Variants in OR1M1 observed in about 807,000 individuals in gnomAD.
OR1M1 encodes olfactory receptor 1M1.
For missense variants in OR1M1, 397 were observed against 401.8 expected (o/e 0.99, Z 0.10); for synonymous variants, 157 against 165.5 (o/e 0.95, Z 0.39).
Position 9,095,180 on chromosome 19 carries a change from A to G in OR1M1, c.*994A>G, listed in dbSNP as rs1273750403. On this transcript the variant is annotated 3_prime_UTR_variant, in exon 2 of 2. Coordinates refer to ENST00000641627, the MANE Select transcript of OR1M1 (RefSeq NM_001004456.2). ...AAGACTTCACCAAAAACCAATCCCA[A>G]CGGCACGTCGATCTTGGGCTTCTGA... is the stretch of plus-strand genomic sequence containing the variant. 1 of 152,170 alleles carries G rather than the reference A, an allele frequency of 6.6e-6. No homozygotes were observed. The highest frequency in any genetic ancestry group is 1.5e-5 in the Non-Finnish European group (1 of 68,086). The allele number at this position is 152,170 out of a possible 1,614,324, so 9.4% of individuals were successfully genotyped here. A position where few individuals can be genotyped will look rare whatever the true frequency, so the allele number is the denominator to read the frequency against.
intron 1 of OR1M1, among the ~76,000 whole-genome samples, chr19:9,090,071 G>A (rs572243784): frequency 2.0e-5 from 3 of 152,288 alleles, no homozygotes; most frequent in African/African-American, 7.2e-5. Context: ...GTCGTGAGTA[G>A]CAAATTAGCA....
chr19:9,089,337 T>C (rs976849539), intron 1 of OR1M1, among the ~76,000 whole-genome samples: 3 of 152,134 alleles, frequency 2.0e-5, no homozygotes, highest in African/African-American at 7.2e-5. Context: ...TATAATATGC[T>C]CCAATTCTTT....
chr19:9,091,037 GGC>G (rs2050290035), intron 1 of OR1M1, among the ~76,000 whole-genome samples: 1 of 151,844 alleles, frequency 6.6e-6, no homozygotes, highest in African/African-American at 2.4e-5. Context: ...CGTGGTGGTG[GGC>G]GCCTGTAGTC....
At chr19:9,093,052 TACACACACAC>T in intron 1 of OR1M1, 170 bp from the exon 2 acceptor site, 1 of 342,644 alleles carries the variant, frequency 2.9e-6, no homozygotes, top group Non-Finnish European at 5.1e-6. Flanking sequence ...TATATATATA[TACACACACAC>T]ATATATATTC....
Position 9,093,599 on chromosome 19 carries a change from G to A in OR1M1, c.355G>A (p.Ala119Thr), listed in dbSNP as rs756432945. 4.3e-6 allele frequency: 7 copies of A among 1,614,132 alleles called. No homozygotes were observed. Among genetic ancestry groups the A allele is most frequent in the Non-Finnish European group, 5.9e-6 (7 of 1,180,014 alleles). ...IVDSVIIAMMAYDRFVAICHP... is the reference protein window; with the variant it reads ...IVDSVIIAMMTYDRFVAICHP... ...GGACAGCGTCATAATCGCCATGATG[G>A]CTTATGACCGGTTCGTGGCCATCTG... Residue 119 changes from alanine (A) to threonine (T), a missense_variant, in exon 2 of 2, where the codon GCT (alanine) becomes ACT (threonine). Ala to Thr is a moderately conservative substitution (Grantham distance 58). Transcript: ENST00000641627.
intron 1 of OR1M1, among the ~76,000 whole-genome samples, chr19:9,088,015 C>T (rs1213660337): frequency 6.6e-6 from 1 of 151,988 alleles, no homozygotes; most frequent in East Asian, 1.9e-4. Context: ...CTCAGCCTCC[C>T]AAGTAGCTGG....
rs1190100075 is a variant in OR1M1 at position 9,095,091 on chromosome 19, AC to A, written c.*907del. ...AGTGCTGGGATTACAGGCGTGAGCC[AC>A]CAAGCCTGGCTGGAAAGGCCATTTG... On this transcript the variant is annotated 3_prime_UTR_variant, in exon 2 of 2. Coordinates refer to ENST00000641627, the MANE Select transcript of OR1M1 (RefSeq NM_001004456.2). 2 of 152,396 alleles carry A rather than the reference AC, an allele frequency of 1.3e-5. No individual in the cohort carries two copies. The highest frequency in any genetic ancestry group is 2.9e-5 in the Non-Finnish European group (2 of 68,212). 9.4% of individuals were successfully genotyped at this position (152,396 alleles called of 1,614,324 possible). A position where few individuals can be genotyped will look rare whatever the true frequency, so the allele number is the denominator to read the frequency against.
intron 1 of OR1M1, among the ~76,000 whole-genome samples, chr19:9,090,993 C>T (rs2050289587): frequency 2.0e-5 from 3 of 151,712 alleles, no homozygotes; most frequent in Admixed American, 6.6e-5. Context: ...GGTGAAACCC[C>T]GTCTCTACTA....
In OR1M1 at chr19:9,094,119, T is replaced by C. The variant is rs899866825; in HGVS notation, c.875T>C (p.Leu292Ser). ...ATGCTGAATCCCTTCATCTACAGCT[T>C]GAGGAACAGAGACCTGAAAGGGGCT... The part of the protein sequence containing the change: ...TPMLNPFIYS[L>S]RNRDLKGALR... The change falls in exon 2 of 2, where the codon TTG becomes TCG. Residue 292 changes from leucine to serine, a missense_variant. By Grantham distance (145) the Leu-to-Ser change is moderately radical (BLOSUM62 -2). Transcript: ENST00000641627. 6 of 1,613,524 alleles carry C rather than the reference T, an allele frequency of 3.7e-6. No homozygotes were observed. The African/African-American group carries it at 8.0e-5, about 22-fold the overall frequency.
At chr19:9,088,397 C>A (rs2050275608) in intron 1 of OR1M1, among the ~76,000 whole-genome samples, 2 of 152,048 alleles carry the variant, frequency 1.3e-5, no homozygotes, top group Non-Finnish European at 2.9e-5. Context: ...GAGAGAGGCT[C>A]ATCAAGAAGC....
In OR1M1 at chr19:9,095,212, G is replaced by C. The variant is rs1227098444; in HGVS notation, c.*1026G>C. 1.3e-5 allele frequency: 2 copies of C among 152,248 alleles called. No homozygotes were observed. Among genetic ancestry groups the C allele is most frequent in the African/African-American group, 4.8e-5 (2 of 41,454 alleles). The allele number at this position is 152,248 out of a possible 1,614,324, so 9.4% of individuals were successfully genotyped here. A position where few individuals can be genotyped will look rare whatever the true frequency, so the allele number is the denominator to read the frequency against. On this transcript the variant is annotated 3_prime_UTR_variant, in exon 2 of 2. Coordinates refer to ENST00000641627, the MANE Select transcript of OR1M1 (RefSeq NM_001004456.2). ...GTCGATCTTGGGCTTCTGACCCTCA[G>C]AACCATGAGACAATCCACTTCACTT...
chr19:9,087,382 A>G (rs2050270250), intron 1 of OR1M1, among the ~76,000 whole-genome samples: 2 of 152,076 alleles, frequency 1.3e-5, no homozygotes, highest in South Asian at 2.1e-4. Flanking sequence ...GGCTTAAGCA[A>G]TCCTCCTGCC....
rs551740717 is a variant in OR1M1, at chr19:9,093,721, C to T, written c.477C>T (p.His159=). 3.5e-5 allele frequency: 57 copies of T among 1,614,076 alleles called. No homozygotes were observed. Among genetic ancestry groups the T allele is most frequent in the Admixed American group, 2.7e-4 (16 of 60,014 alleles). Residue 159 remains histidine, a synonymous_variant, in exon 2 of 2, where the codon CAC becomes CAT. Coordinates refer to ENST00000641627, the MANE Select transcript of OR1M1 (RefSeq NM_001004456.2). ...TTTCCTGCTTCATCTCACTCACTCA[C>T]ATCCTCCTGATGGCCCGTCTCGTTT... ...WAFSCFISLT[H]ILLMARLVFC...
At position 9,093,618 on chromosome 19, in the gene OR1M1, C is replaced by T. The variant is rs1396295342; in HGVS notation, c.374C>T (p.Ala125Val). The T allele has an allele frequency of 6.2e-7, 1 of 1,614,180 alleles. No homozygotes were observed. Among genetic ancestry groups the T allele is most frequent in the South Asian group, 1.1e-5 (1 of 91,088 alleles). Residue 125 changes from alanine to valine, a missense_variant, in exon 2 of 2, where the codon GCC (alanine) becomes GTC (valine). Coordinates refer to ENST00000641627, the MANE Select transcript of OR1M1 (RefSeq NM_001004456.2). Reference sequence around the variant, plus strand: ...ATGATGGCTTATGACCGGTTCGTGGCCATCTGCCACCCATTGCACTACGCC... The same window carrying T: ...ATGATGGCTTATGACCGGTTCGTGGTCATCTGCCACCCATTGCACTACGCC... The part of the protein sequence containing the change: ...IAMMAYDRFV[A>V]ICHPLHYAKI...
In OR1M1 at chr19:9,093,310, G is replaced by T; in HGVS notation, c.66G>T (p.Glu22Asp). 1 of 1,613,876 alleles carries T rather than the reference G, an allele frequency of 6.2e-7. No individual in the cohort carries two copies. The highest frequency in any genetic ancestry group is 1.6e-4 in the Middle Eastern group (1 of 6,062). Residue 22 changes from glutamate to aspartate, a missense_variant, in exon 2 of 2, where the codon GAG (glutamate) becomes GAT (aspartate). Transcript: ENST00000641627. ...TCCTGGGACTCTCAGAAAAGCCAGA[G>T]CAGGAGACGCTTCTCTTTTCCCTGT... ...FILLGLSEKP[E>D]QETLLFSLFF...
chr19:9,093,474 C>A lies in OR1M1; in HGVS notation c.230C>A (p.Thr77Asn). 1.2e-6 allele frequency: 2 copies of A among 1,614,124 alleles called. No individual in the cohort carries two copies. The highest frequency in any genetic ancestry group is 1.7e-6 in the Non-Finnish European group (2 of 1,179,994). The change falls in exon 2 of 2, where the codon ACC becomes AAC. Residue 77 changes from threonine to asparagine, a missense_variant. Coordinates refer to ENST00000641627, the MANE Select transcript of OR1M1 (RefSeq NM_001004456.2). ...SLVDFCLATN[T>N]IPKMLVSLQT... Reference sequence around the variant, plus strand: ...GTTGATTTCTGTCTGGCCACCAACACCATCCCTAAGATGCTGGTGAGCCTT... The same window carrying A: ...GTTGATTTCTGTCTGGCCACCAACAACATCCCTAAGATGCTGGTGAGCCTT...
rs188117149 is a variant in OR1M1, at chr19:9,093,718, T to G, written c.474T>G (p.Thr158=). 9 of 1,613,944 alleles carry G rather than the reference T, an allele frequency of 5.6e-6. No homozygotes were observed. In the Admixed American group the frequency reaches 1.5e-4, roughly 27 times the overall value. Residue 158 remains threonine, a synonymous_variant, in exon 2 of 2, where the codon ACT becomes ACG. Coordinates refer to ENST00000641627, the MANE Select transcript of OR1M1 (RefSeq NM_001004456.2). ...LWAFSCFISL[T]HILLMARLVF... The stretch of plus-strand genomic sequence containing the variant: ...CGTTTTCCTGCTTCATCTCACTCAC[T>G]CACATCCTCCTGATGGCCCGTCTCG...
intron 1 of OR1M1, among the ~76,000 whole-genome samples, chr19:9,087,862 A>G (rs893880616): frequency 1.3e-5 from 2 of 151,960 alleles, no homozygotes; most frequent in African/African-American, 4.8e-5. Flanking sequence ...CCTAAAAACC[A>G]TGATTATTTG....
At chr19:9,090,677 G>T (rs8103365) in intron 1 of OR1M1, among the ~76,000 whole-genome samples, 5 of 151,594 alleles carry the variant, frequency 3.3e-5, no homozygotes, top group East Asian at 2.0e-4. Flanking sequence ...CAGGTGATCC[G>T]CCTGCCTCGG....
Sources: gnomAD v4.1 joint callset for allele counts (sites outside exome capture counted in the v4.1 genomes callset) on GRCh38, gnomAD v4.1.1 for gene constraint, MANE v1.5 for transcripts, NCBI Gene and HGNC (gene_info 2026-07-23, HGNC 2026-07-21) for gene names.